Variants in GALNT17 observed in about 807,000 individuals in gnomAD.
The protein encoded by GALNT17 is UDP-GalNAc:polypeptide N-acetylgalactosaminyltransferase-like 3.
Under a neutral mutation model 63.7 loss-of-function variants are expected in GALNT17, and 29 were observed. The ratio of observed to expected loss-of-function variants is 0.46; its 90% CI spans 0.34 to 0.62. The LOEUF (loss-of-function observed/expected upper bound fraction) is 0.62, where lower values mean the gene tolerates loss of function less well. Among genes scored for constraint, GALNT17 ranks in the 20% least tolerant of loss-of-function variants. GALNT17 has a pLI of 0.01. For missense variants in GALNT17, 603 were observed against 799.6 expected (o/e 0.75, Z 2.97); for synonymous variants, 305 against 318.3 (o/e 0.96, Z 0.45).
chr7:71,557,427 T>C (rs558665688), intron 5 of GALNT17, among the ~76,000 whole-genome samples: 1 of 152,282 alleles, frequency 6.6e-6, no homozygotes, highest in African/African-American at 2.4e-5. Context: ...TTGCCCTCCT[T>C]TTACAGATGA....
intron 1 of GALNT17, among the ~76,000 whole-genome samples, chr7:71,136,605 C>T (rs1787788431): frequency 6.6e-6 from 1 of 151,930 alleles, no homozygotes; most frequent in Non-Finnish European, 1.5e-5. Flanking sequence ...CCTGCCTCAG[C>T]TCCCGAGTAG....
intron 1 of GALNT17, among the ~76,000 whole-genome samples, chr7:71,215,562 C>T (rs1354165194): frequency 6.6e-6 from 1 of 152,094 alleles, no homozygotes; most frequent in African/African-American, 2.4e-5. Context: ...CATCTGTCAC[C>T]TGGTTTTTAC....
intron 3 of GALNT17, among the ~76,000 whole-genome samples, chr7:71,401,796 G>A (rs1009900360): frequency 6.6e-6 from 1 of 152,066 alleles, no homozygotes; most frequent in Non-Finnish European, 1.5e-5. Flanking sequence ...CAAGCTCAGG[G>A]CTCCCACTGA....
At chr7:71,333,566 G>A (rs1217606916) in intron 1 of GALNT17, among the ~76,000 whole-genome samples, 1 of 152,120 alleles carries the variant, frequency 6.6e-6, no homozygotes, top group African/African-American at 2.4e-5. Flanking sequence ...TTTTGAGACA[G>A]AGTCTTGCTC....
intron 5 of GALNT17, among the ~76,000 whole-genome samples, chr7:71,536,381 G>A (rs1323629638): frequency 6.6e-6 from 1 of 152,178 alleles, no homozygotes; most frequent in East Asian, 1.9e-4. Flanking sequence ...CAGGTCTTCA[G>A]CTTTCAGGAG....
At chr7:71,525,638 C>G (rs1261166736) in intron 5 of GALNT17, among the ~76,000 whole-genome samples, 1 of 149,910 alleles carries the variant, frequency 6.7e-6, no homozygotes, top group Non-Finnish European at 1.5e-5. Context: ...CTGTCATAAT[C>G]ATGAGGTCTC....
chr7:71,709,152 G>A (rs192616333), intron 9 of GALNT17, among the ~76,000 whole-genome samples: 1 of 152,286 alleles, frequency 6.6e-6, no homozygotes, highest in East Asian at 1.9e-4. Flanking sequence ...TTCCACAGTG[G>A]ATGAACTAAT....
chr7:71,408,322 T>C (rs1793366213), intron 3 of GALNT17, among the ~76,000 whole-genome samples: 1 of 152,210 alleles, frequency 6.6e-6, no homozygotes, highest in African/African-American at 2.4e-5. Flanking sequence ...TCACAACCCA[T>C]GCATTCACAG....
intron 1 of GALNT17, among the ~76,000 whole-genome samples, chr7:71,149,098 T>C (rs1427384761): frequency 6.6e-6 from 1 of 151,696 alleles, no homozygotes; most frequent in Non-Finnish European, 1.5e-5. Flanking sequence ...AAACTATCTT[T>C]TTCTGGAGAC....
intron 6 of GALNT17, among the ~76,000 whole-genome samples, chr7:71,608,870 C>G (rs532533437): frequency 6.6e-6 from 1 of 152,052 alleles, no homozygotes; most frequent in African/African-American, 2.4e-5. Flanking sequence ...CCATGAGCTC[C>G]TAGGCTCAAG....
At chr7:71,671,239 G>A (rs771869591) in intron 8 of GALNT17, among the ~76,000 whole-genome samples, 23 of 152,148 alleles carry the variant, frequency 1.5e-4, no homozygotes, top group Non-Finnish European at 2.6e-4. Context: ...AGATGGAATC[G>A]GTGACACACA....
intron 1 of GALNT17, among the ~76,000 whole-genome samples, chr7:71,175,447 ATCTG>A (rs1236558395): frequency 6.6e-5 from 10 of 152,196 alleles, no homozygotes; most frequent in East Asian, 1.9e-4. Flanking sequence ...TCTATCATCT[ATCTG>A]TCTGTCTATC....
At chr7:71,526,973 C>T (rs1168054800) in intron 5 of GALNT17, among the ~76,000 whole-genome samples, 1 of 152,192 alleles carries the variant, frequency 6.6e-6, no homozygotes, top group African/African-American at 2.4e-5. Flanking sequence ...TTTCCTTTGC[C>T]TTACTAGTTA....
At chr7:71,693,259 CACAT>C (rs1344314426) in intron 9 of GALNT17, among the ~76,000 whole-genome samples, 9 of 65,406 alleles carry the variant, frequency 1.4e-4, no homozygotes, top group South Asian at 1.7e-3. Flanking sequence ...TACACACACA[CACAT>C]ACACACACAC....
chr7:71,576,435 T>C (rs1789538107), intron 6 of GALNT17, among the ~76,000 whole-genome samples: 1 of 152,196 alleles, frequency 6.6e-6, no homozygotes, highest in African/African-American at 2.4e-5. Flanking sequence ...TCTGAACTGC[T>C]TTCCACAGTG....
rs187664472 is a variant in GALNT17 at position 71,638,793 on chromosome 7, A to G, written c.1081-26618A>G. Among the ~76,000 whole-genome samples the G allele has an allele frequency of 2.9e-3, 445 of 152,328 alleles. 4 individuals are homozygous for G. The highest frequency in any genetic ancestry group is 0.01 in the African/African-American group (428 of 41,576). ...GATCCATGACGTTAGGTAGGTGGAC[A>G]GTGCTGTTTCATTATGTTAAATGAA... On this transcript the variant is annotated intron_variant, in intron 6 of 10. Transcript: ENST00000333538.
At chr7:71,352,647 G>GA (rs1563025955) in intron 2 of GALNT17, among the ~76,000 whole-genome samples, 1 of 152,154 alleles carries the variant, frequency 6.6e-6, no homozygotes, top group Non-Finnish European at 1.5e-5. Context: ...ATAGACCTTT[G>GA]AAGGCATCAA....
intron 5 of GALNT17, among the ~76,000 whole-genome samples, chr7:71,526,749 T>C (rs962455946): frequency 2.6e-4 from 39 of 152,158 alleles, no homozygotes; most frequent in Non-Finnish European, 5.0e-4. Context: ...TGAACGCCTG[T>C]GTGATCCACC....
intron 9 of GALNT17, among the ~76,000 whole-genome samples, chr7:71,694,740 T>C (rs989200008): frequency 2.6e-5 from 4 of 152,192 alleles, no homozygotes; most frequent in African/African-American, 9.6e-5. Flanking sequence ...CCCATAGGGC[T>C]AAAGTAATTG....
Sources: allele counts gnomAD v4.1 joint callset (sites outside exome capture counted in the v4.1 genomes callset), GRCh38; gene constraint gnomAD v4.1.1; transcripts MANE v1.5; gene names NCBI Gene and HGNC (gene_info 2026-07-23, HGNC 2026-07-21).